The following DLGAP2 variants were observed in gnomAD, a reference collection of about 807,000 sequenced individuals.
DLGAP2 encodes the protein disks large-associated protein 2.
A neutral mutation model predicts 100.3 loss-of-function variants in DLGAP2; 26 were observed. The ratio of observed to expected loss-of-function variants is 0.26; its 90% confidence interval spans 0.19 to 0.36. The LOEUF (loss-of-function observed/expected upper bound fraction) is 0.36. Ranked by LOEUF, DLGAP2 falls within the 10% of genes least tolerant of loss-of-function variation. The pLI, the probability that DLGAP2 is intolerant of heterozygous loss-of-function variation, is 1.00. For synonymous variants in DLGAP2, 886 were observed against 630.1 expected, an observed-to-expected ratio of 1.41 and a Z score of -6.08; for missense variants, 1,858 against 1,453.2, an observed-to-expected ratio of 1.28 and a Z score of -4.53.
At chr8:1,477,753 A>T (rs949000208) in intron 3 of DLGAP2, among the ~76,000 whole-genome samples, 1 of 152,030 alleles carries the variant, frequency 6.6e-6, no homozygotes, top group African/African-American at 2.4e-5. Flanking sequence ...CTCAGAGCCC[A>T]CAAGAAACCA....
intron 2 of DLGAP2, among the ~76,000 whole-genome samples, chr8:1,085,924 C>G (rs183402617): frequency 6.6e-6 from 1 of 152,220 alleles, no homozygotes; most frequent in Non-Finnish European, 1.5e-5. Flanking sequence ...TTATTTGTAT[C>G]TTCAGTTGTC....
At chr8:1,347,342 G>C (rs1419028233) in intron 3 of DLGAP2, among the ~76,000 whole-genome samples, 1 of 151,712 alleles carries the variant, frequency 6.6e-6, no homozygotes, top group African/African-American at 2.4e-5. Context: ...CATGGTAGCT[G>C]GGTGGAGGTT....
chr8:874,061 C>A (rs1051158744), intron 1 of DLGAP2, among the ~76,000 whole-genome samples: 3 of 152,084 alleles, frequency 2.0e-5, no homozygotes, highest in Non-Finnish European at 2.9e-5. Context: ...GATGATACCC[C>A]TCTTTCATCT....
At chr8:1,305,462 G>A (rs1800468441) in intron 3 of DLGAP2, among the ~76,000 whole-genome samples, 1 of 152,090 alleles carries the variant, frequency 6.6e-6, no homozygotes, top group Non-Finnish European at 1.5e-5. Context: ...GTCATCCCTG[G>A]GTGTCTGTAA....
chr8:802,569 G>A (rs1198796300), intron 1 of DLGAP2, among the ~76,000 whole-genome samples: 13 of 152,160 alleles, frequency 8.5e-5, no homozygotes, highest in Non-Finnish European at 1.8e-4. Context: ...TGTGCCAGGC[G>A]CTCAGGGGCT....
chr8:1,639,548 C>G (rs939043798), intron 8 of DLGAP2, among the ~76,000 whole-genome samples: 1 of 152,220 alleles, frequency 6.6e-6, no homozygotes, highest in Admixed American at 6.5e-5. Flanking sequence ...TGTGGGTCCT[C>G]CCAGAGACGG....
At chr8:1,375,399 A>C (rs578021713) in intron 3 of DLGAP2, among the ~76,000 whole-genome samples, 2 of 55,346 alleles carry the variant, frequency 3.6e-5, no homozygotes, top group Admixed American at 1.9e-4. Context: ...GGTTAACGAC[A>C]CCTCTCCACG....
chr8:1,480,135 C>T (rs1388584753), intron 3 of DLGAP2, among the ~76,000 whole-genome samples: 2 of 152,224 alleles, frequency 1.3e-5, no homozygotes, highest in African/African-American at 2.4e-5. Context: ...TGTCTGGCTA[C>T]AGGCAGAGAG....
rs150917592 is a variant in DLGAP2, at chr8:1,625,397, G to A, written c.1443-1343G>A. On this transcript the variant is annotated intron_variant, in intron 6 of 14. Transcript: ENST00000637795. Reference sequence around the variant, plus strand: ...CCTTTCATCGGCCAAACACTCACAGGGTTCTTCCATGCTTTTAACATTTCA... The same window carrying A: ...CCTTTCATCGGCCAAACACTCACAGAGTTCTTCCATGCTTTTAACATTTCA... 2.1e-3 allele frequency among the ~76,000 whole-genome samples: 314 copies of A among 152,268 alleles called. 1 individual carries two copies. Among genetic ancestry groups the A allele is most frequent in the African/African-American group, 7.1e-3 (295 of 41,568 alleles).
chr8:858,606 C>T (rs1426700537), intron 1 of DLGAP2, among the ~76,000 whole-genome samples: 3 of 146,414 alleles, frequency 2.0e-5, no homozygotes, highest in Non-Finnish European at 3.0e-5. Flanking sequence ...ACCGTGGGCA[C>T]GTGTGTGATG....
chr8:1,205,015 G>A (rs1030298456), intron 2 of DLGAP2, among the ~76,000 whole-genome samples: 16 of 152,102 alleles, frequency 1.1e-4, no homozygotes, highest in African/African-American at 2.9e-4. Context: ...TCTGTTAAAC[G>A]GAGCCGTAAT....
chr8:1,020,022 C>G (rs572994703), intron 2 of DLGAP2, among the ~76,000 whole-genome samples: 1 of 152,172 alleles, frequency 6.6e-6, no homozygotes, highest in Non-Finnish European at 1.5e-5. Flanking sequence ...AGTTGCTTAA[C>G]ATTTTAACTG....
chr8:1,640,079 C>T (rs1474120530), intron 8 of DLGAP2, among the ~76,000 whole-genome samples: 1 of 152,216 alleles, frequency 6.6e-6, no homozygotes, highest in African/African-American at 2.4e-5. Flanking sequence ...TGGTAGAGTG[C>T]ATGAATGAAT....
At chr8:1,534,596 C>A (rs983216592) in intron 4 of DLGAP2, among the ~76,000 whole-genome samples, 21 of 152,182 alleles carry the variant, frequency 1.4e-4, no homozygotes, top group South Asian at 6.2e-4. Context: ...CATCTATGAG[C>A]AGTTTTTCTT....
At chr8:1,005,405 GTTTTTTTT>G (rs34780471) in intron 2 of DLGAP2, among the ~76,000 whole-genome samples, 2 of 99,204 alleles carry the variant, frequency 2.0e-5, no homozygotes, top group African/African-American at 3.7e-5. Flanking sequence ...AACTCCACTT[GTTTTTTTT>G]TTTTTTTTTT....
At chr8:1,260,428 C>G (rs542422166) in intron 3 of DLGAP2, among the ~76,000 whole-genome samples, 1 of 152,316 alleles carries the variant, frequency 6.6e-6, no homozygotes, top group African/African-American at 2.4e-5. Context: ...ATGTCTGCCT[C>G]TGCCAAGGAC....
intron 12 of DLGAP2, among the ~76,000 whole-genome samples, chr8:1,682,742 A>G (rs370697818): frequency 5.3e-5 from 8 of 151,632 alleles, no homozygotes; most frequent in East Asian, 3.9e-4. Context: ...GCAAAGTGCT[A>G]GGATTACAGG....
intron 3 of DLGAP2, among the ~76,000 whole-genome samples, chr8:1,334,999 C>A (rs1216284387): frequency 3.9e-5 from 6 of 152,186 alleles, no homozygotes; most frequent in African/African-American, 1.4e-4. Context: ...CTTAAAAACA[C>A]AGAAATCTTA....
intron 1 of DLGAP2, among the ~76,000 whole-genome samples, chr8:742,224 G>C (rs1188180832): frequency 6.6e-6 from 1 of 152,128 alleles, no homozygotes; most frequent in Non-Finnish European, 1.5e-5. Context: ...TTCTTATATG[G>C]TACATCGTGT....
Sources: allele counts gnomAD v4.1 joint callset (sites outside exome capture counted in the v4.1 genomes callset), GRCh38; gene constraint gnomAD v4.1.1; transcripts MANE v1.5; gene names NCBI Gene and HGNC (gene_info 2026-07-23, HGNC 2026-07-21).